Variants in PRIM2 observed in about 807,000 individuals in gnomAD.
PRIM2 encodes DNA primase subunit 2, also known as DNA primase large subunit.
In PRIM2, 39 loss-of-function variants were observed where a neutral mutation model predicts 67.3. The observed-to-expected ratio is 0.58, with a 90% CI of 0.45 to 0.76. The LOEUF (loss-of-function observed/expected upper bound fraction) is 0.76. Among genes scored for constraint, PRIM2 ranks in the 30% least tolerant of loss-of-function variants. The pLI, the probability that PRIM2 is intolerant of heterozygous loss-of-function variation, is 0.00. For missense variants in PRIM2, 398 were observed against 598.7 expected, an observed-to-expected ratio of 0.66 and a Z score of 3.50; for synonymous variants, 143 against 198.7, an observed-to-expected ratio of 0.72 and a Z score of 2.36.
At chr6:57,285,679 A>G in the PRIM2 span, among the ~76,000 whole-genome samples, 1 of 152,184 alleles carries the variant, frequency 6.6e-6, no homozygotes, top group South Asian at 2.1e-4. Context: ...CTGTAAGGGC[A>G]AAAGCTTTGA....
intron 5 of PRIM2, among the ~76,000 whole-genome samples, chr6:57,368,297 A>G (rs1241561599): frequency 6.6e-6 from 1 of 152,088 alleles, no homozygotes; most frequent in Non-Finnish European, 1.5e-5. Flanking sequence ...AAAAAAACAT[A>G]CAGCTCAGGG....
At chr6:57,627,447 G>T (rs2127498511) in intron 12 of PRIM2, among the ~76,000 whole-genome samples, 1 of 151,272 alleles carries the variant, frequency 6.6e-6, no homozygotes, top group East Asian at 2.0e-4. Flanking sequence ...GGAGTGTAGG[G>T]TTGCAATCTT....
intron 13 of PRIM2, among the ~76,000 whole-genome samples, chr6:57,635,354 T>C (rs1777101360): frequency 6.6e-6 from 1 of 152,252 alleles, no homozygotes; most frequent in Admixed American, 6.5e-5. Flanking sequence ...AAGCAAATGT[T>C]TGAGATTCAT....
intron 7 of PRIM2, among the ~76,000 whole-genome samples, chr6:57,466,705 T>G (rs1686117274): frequency 2.6e-5 from 4 of 152,230 alleles, no homozygotes; most frequent in Non-Finnish European, 2.9e-5. Context: ...TCTTTGTAGA[T>G]TCTGGATATT....
rs1554347307 is a variant in PRIM2 at position 57,507,437 on chromosome 6, T to A, written c.744T>A (p.Pro248=). The part of the protein sequence containing the change: ...PAVQSDERLQ[P]LLNHLSHSYT... Reference sequence around the variant, plus strand: ...TGCAGTCTGATGAAAGACTTCAGCCTCTGCTCAATCACCTCAGGTAATATA... The same window carrying A: ...TGCAGTCTGATGAAAGACTTCAGCCACTGCTCAATCACCTCAGGTAATATA... The change falls in exon 8 of 14, where the codon CCT becomes CCA. Residue 248 remains proline, a synonymous_variant. Transcript: ENST00000615550. The A allele has an allele frequency of 6.4e-7, 1 of 1,550,454 alleles. No homozygotes were observed.
chr6:57,484,358 A>G (rs1178567708), intron 7 of PRIM2, among the ~76,000 whole-genome samples: 1 of 152,200 alleles, frequency 6.6e-6, no homozygotes, highest in African/African-American at 2.4e-5. Context: ...TGCTGCTGTT[A>G]GCTGTTGTCG....
chr6:57,415,046 T>A (rs1771212927), intron 7 of PRIM2, among the ~76,000 whole-genome samples: 1 of 152,126 alleles, frequency 6.6e-6, no homozygotes, highest in Admixed American at 6.6e-5. Flanking sequence ...TAAGGCAGGA[T>A]TTTTGATGTA....
the PRIM2 span, among the ~76,000 whole-genome samples, chr6:57,281,127 T>A: frequency 6.6e-6 from 1 of 152,186 alleles, no homozygotes; most frequent in Non-Finnish European, 1.5e-5. Context: ...TTGCTGCAAA[T>A]GACAAGATTT....
intron 7 of PRIM2, among the ~76,000 whole-genome samples, chr6:57,482,855 C>T (rs1280030071): frequency 5.9e-5 from 9 of 152,086 alleles, no homozygotes; most frequent in South Asian, 2.1e-4. Flanking sequence ...TTTTTTGAGG[C>T]GAGAGGCTGA....
In PRIM2 at chr6:57,639,867, C is replaced by T. The variant is rs1777199035; in HGVS notation, c.1300-6061C>T. The stretch of plus-strand genomic sequence containing the variant: ...CTAAACAACAGAAAAAGAGGGAGTC[C>T]TCTCTAACTCATTTTATGAGGCCAG... On this transcript the variant is annotated intron_variant, in intron 13 of 13. Transcript: ENST00000615550. 2.0e-5 allele frequency among the ~76,000 whole-genome samples: 3 copies of T among 151,814 alleles called. No individual in the cohort carries two copies. The South Asian group carries it at 6.3e-4, about 32-fold the overall frequency.
intron 5 of PRIM2, among the ~76,000 whole-genome samples, chr6:57,337,673 A>G (rs1043499501): frequency 1.2e-4 from 19 of 152,210 alleles, no homozygotes; most frequent in Non-Finnish European, 2.4e-4. Flanking sequence ...GAGAACAAAG[A>G]CACAACATAC....
At chr6:57,456,060 G>C (rs1772765323) in intron 7 of PRIM2, among the ~76,000 whole-genome samples, 2 of 152,084 alleles carry the variant, frequency 1.3e-5, no homozygotes, top group Non-Finnish European at 2.9e-5. Context: ...AGTTTGGCTG[G>C]ATATGAAATT....
rs1340290598 is a variant in PRIM2, at chr6:57,399,667, A to G, written c.693+17499A>G. Among the ~76,000 whole-genome samples, 4 of 152,250 alleles carry G rather than the reference A, an allele frequency of 2.6e-5. No individual in the cohort carries two copies. In the East Asian group the frequency reaches 5.8e-4, roughly 22 times the overall value. ...TTTACAGTCCCACCAACAGTGTAAA[A>G]TTGTTCTTATTTCTCCACATCCTCT... is the stretch of plus-strand genomic sequence containing the variant. On this transcript the variant is annotated intron_variant, in intron 7 of 13. Transcript: ENST00000615550.
At chr6:57,518,185 G>A (rs1554348445) in intron 8 of PRIM2, among the ~76,000 whole-genome samples, 35 of 152,082 alleles carry the variant, frequency 2.3e-4, no homozygotes, top group Admixed American at 1.4e-3. Flanking sequence ...TTTTAGTAGC[G>A]GTATCTTGGT....
chr6:57,387,475 T>C (rs1770190975), intron 7 of PRIM2, among the ~76,000 whole-genome samples: 1 of 152,136 alleles, frequency 6.6e-6, no homozygotes, highest in Non-Finnish European at 1.5e-5. Flanking sequence ...TGGCTAATAA[T>C]TGCTGGAGCC....
the PRIM2 span, among the ~76,000 whole-genome samples, chr6:57,283,554 C>T: frequency 3.3e-5 from 5 of 152,022 alleles, no homozygotes; most frequent in South Asian, 2.1e-4. Context: ...TTTTTGGTTT[C>T]GTGTCAGATT....
chr6:57,407,251 T>A (rs1228019617), intron 7 of PRIM2, among the ~76,000 whole-genome samples: 1 of 152,142 alleles, frequency 6.6e-6, no homozygotes, highest in Non-Finnish European at 1.5e-5. Context: ...AGAAAGAGAA[T>A]AACAATTTGC....
chr6:57,257,219 T>C, the PRIM2 span, among the ~76,000 whole-genome samples: 1 of 151,772 alleles, frequency 6.6e-6, no homozygotes, highest in Non-Finnish European at 1.5e-5. Context: ...GTATTTTTTA[T>C]CTTAAAAGAA....
chr6:57,232,506 G>A, the PRIM2 span, among the ~76,000 whole-genome samples: 21 of 152,174 alleles, frequency 1.4e-4, no homozygotes, highest in African/African-American at 2.6e-4. Context: ...CTGAGATCGC[G>A]CCACTGCACT....
Sources: allele counts gnomAD v4.1 joint callset (sites outside exome capture counted in the v4.1 genomes callset), GRCh38; gene constraint gnomAD v4.1.1; transcripts MANE v1.5; gene names NCBI Gene and HGNC (gene_info 2026-07-23, HGNC 2026-07-21).